The following DHRS7B variants were observed in gnomAD, a reference collection of about 807,000 sequenced individuals.
DHRS7B encodes the protein dehydrogenase/reductase 7B.
In DHRS7B, 24 loss-of-function variants were observed where a neutral mutation model predicts 26.4. The ratio of observed to expected loss-of-function variants is 0.91; its 90% confidence interval spans 0.66 to 1.28. The LOEUF is 1.28. DHRS7B is among the 50% of genes most tolerant of loss of function. The probability of loss-of-function intolerance (pLI) is 0.00; values close to 1 mark genes in which losing one functional copy is unlikely to be tolerated. For synonymous variants in DHRS7B, 142 were observed against 166.4 expected, an observed-to-expected ratio of 0.85 and a Z score of 1.13; for missense variants, 368 against 419.4, an observed-to-expected ratio of 0.88 and a Z score of 1.07.
At chr17:21,140,019 A>ATTTTTTTTTTTT (rs1188887493) in intron 1 of DHRS7B, among the ~76,000 whole-genome samples, 2 of 60,382 alleles carry the variant, frequency 3.3e-5, no homozygotes, top group African/African-American at 6.5e-5. Context: ...AGACTTTCAG[A>ATTTTTTTTTTTT]TTCTTTTTTT....
chr17:21,188,855 G>T lies in DHRS7B; in HGVS notation c.764G>T (p.Arg255Met). The part of the protein sequence containing the change: ...SVNAITADGS[R>M]YGVMDTTTAQ... ...AATGCCATCACCGCGGATGGATCTAGGTATGGAGGTGAGGCCCGGTTTCTC... is the reference window on the plus strand; with the variant it reads ...AATGCCATCACCGCGGATGGATCTATGTATGGAGGTGAGGCCCGGTTTCTC... The change falls in exon 6 of 7, where the codon AGG becomes ATG. Residue 255 changes from arginine to methionine, a missense_variant. By Grantham distance (91) the Arg-to-Met change is moderately conservative (BLOSUM62 -1). Coordinates refer to ENST00000395511, the MANE Select transcript of DHRS7B (RefSeq NM_015510.5). 6.2e-7 allele frequency: 1 copy of T among 1,614,216 alleles called. No individual in the cohort carries two copies. The highest frequency in any genetic ancestry group is 8.5e-7 in the Non-Finnish European group (1 of 1,180,036).
intron 1 of DHRS7B, among the ~76,000 whole-genome samples, chr17:21,146,937 C>T (rs1439971320): frequency 6.6e-6 from 1 of 152,156 alleles, no homozygotes; most frequent in Admixed American, 6.5e-5. Flanking sequence ...TTTCCCCAAA[C>T]ATTTTTTATT....
At chr17:21,186,283 G>A (rs1401394239) in intron 5 of DHRS7B, among the ~76,000 whole-genome samples, 2 of 152,254 alleles carry the variant, frequency 1.3e-5, no homozygotes, top group Non-Finnish European at 2.9e-5. Flanking sequence ...CACACTGGCA[G>A]GGTAAGTGAT....
chr17:21,180,161 G>A (rs4985986), intron 3 of DHRS7B, among the ~76,000 whole-genome samples: 57,067 of 147,508 alleles, frequency 0.39, 12,300 homozygotes, highest in Non-Finnish European at 0.49. Flanking sequence ...TGCAAGCTCC[G>A]CCTCCCAGGT....
chr17:21,140,538 A>ACACACACACACACACCC (rs972677956), intron 1 of DHRS7B, among the ~76,000 whole-genome samples: 3 of 134,852 alleles, frequency 2.2e-5, no homozygotes, highest in South Asian at 2.4e-4. Flanking sequence ...ACACACACAC[A>ACACACACACACACACCC]CCCTGACACC....
Position 21,191,296 on chromosome 17 carries a change from C to T in DHRS7B, c.*143C>T. ...CTGAAGAAACACATCTCGTGCAGAT[C>T]TGCTGGCAGAGGACAATCAAAAACG... On this transcript the variant is annotated 3_prime_UTR_variant, in exon 7 of 7. Transcript: ENST00000395511. 1 of 836,980 alleles carries T rather than the reference C, an allele frequency of 1.2e-6. No homozygotes were observed. The highest frequency in any genetic ancestry group is 1.8e-6 in the Non-Finnish European group (1 of 541,492). 51.8% of individuals were successfully genotyped at this position (836,980 alleles called of 1,614,324 possible).
At chr17:21,187,899 AGT>A (rs1439740526) in intron 5 of DHRS7B, among the ~76,000 whole-genome samples, 1 of 151,564 alleles carries the variant, frequency 6.6e-6, no homozygotes, top group Non-Finnish European at 1.5e-5. Flanking sequence ...CCCAGGCTGG[AGT>A]GCAGTGGCGC....
intron 2 of DHRS7B, among the ~76,000 whole-genome samples, chr17:21,174,890 A>G (rs529651441): frequency 2.9e-3 from 447 of 152,240 alleles, no homozygotes; most frequent in African/African-American, 0.01. Flanking sequence ...CACCCCCCTC[A>G]TTCCTGTGGG....
At chr17:21,182,312 G>A (rs577009581) in intron 3 of DHRS7B, among the ~76,000 whole-genome samples, 64 of 152,064 alleles carry the variant, frequency 4.2e-4, no homozygotes, top group African/African-American at 1.4e-3. Context: ...GCAATGGTGC[G>A]ATCTCGGCTC....
intron 1 of DHRS7B, among the ~76,000 whole-genome samples, chr17:21,155,605 C>G (rs1408942410): frequency 6.6e-6 from 1 of 152,154 alleles, no homozygotes; most frequent in Non-Finnish European, 1.5e-5. Context: ...CATAGTTCAA[C>G]TCAACAGCGG....
chr17:21,167,457 C>T (rs531843278), intron 1 of DHRS7B, among the ~76,000 whole-genome samples: 9 of 152,290 alleles, frequency 5.9e-5, no homozygotes, highest in South Asian at 2.1e-4. Flanking sequence ...CACGCCAGTT[C>T]GTGAGTCTCA....
chr17:21,162,833 G>A (rs1237788821), intron 1 of DHRS7B, among the ~76,000 whole-genome samples: 1 of 152,144 alleles, frequency 6.6e-6, no homozygotes, highest in Non-Finnish European at 1.5e-5. Flanking sequence ...AGCATTGAGA[G>A]TGTTTTCTAT....
intron 3 of DHRS7B, among the ~76,000 whole-genome samples, chr17:21,179,762 CTTT>C (rs55928399): frequency 1.5e-5 from 2 of 137,602 alleles, no homozygotes; most frequent in African/African-American, 2.6e-5. Context: ...TTTTCACTTT[CTTT>C]TTTTTTTTTT....
intron 1 of DHRS7B, among the ~76,000 whole-genome samples, chr17:21,133,911 G>A (rs933623245): frequency 1.3e-5 from 2 of 152,092 alleles, no homozygotes; most frequent in Non-Finnish European, 2.9e-5. Flanking sequence ...AGTGGCTTAT[G>A]TATGTAAATA....
At chr17:21,148,045 G>T (rs1474138060) in intron 1 of DHRS7B, among the ~76,000 whole-genome samples, 1 of 151,934 alleles carries the variant, frequency 6.6e-6, no homozygotes, top group African/African-American at 2.4e-5. Flanking sequence ...GTGAGATAGT[G>T]TCTCTATTTT....
At chr17:21,188,578 G>A in intron 5 of DHRS7B, 133 bp from the exon 6 acceptor site, 1 of 1,076,588 alleles carries the variant, frequency 9.3e-7, no homozygotes, top group Non-Finnish European at 1.3e-6. Flanking sequence ...TCCAGCCTAA[G>A]CAACATAGCA....
intron 6 of DHRS7B, 124 bp downstream of exon 6, chr17:21,188,987 A>T (rs1597761817): frequency 3.8e-6 from 5 of 1,317,300 alleles, no homozygotes; most frequent in Non-Finnish European, 5.3e-6. Context: ...AAGTGAAAAA[A>T]ACTTGACAGA....
At chr17:21,150,122 A>AC (rs935450594) in intron 1 of DHRS7B, among the ~76,000 whole-genome samples, 11 of 150,282 alleles carry the variant, frequency 7.3e-5, no homozygotes, top group African/African-American at 2.7e-4. Flanking sequence ...AAAAAAAAAA[A>AC]AAAAAAAAAA....
chr17:21,168,652 A>C (rs1347213031), intron 1 of DHRS7B: 1 of 915,242 alleles, frequency 1.1e-6, no homozygotes, highest in East Asian at 1.2e-4. Flanking sequence ...TACAGGCGCG[A>C]GGCACTGCGT....
Sources: allele counts gnomAD v4.1 joint callset (sites outside exome capture counted in the v4.1 genomes callset), GRCh38; gene constraint gnomAD v4.1.1; transcripts MANE v1.5; gene names NCBI Gene and HGNC (gene_info 2026-07-23, HGNC 2026-07-21).